The following NAALADL2 variants were observed in gnomAD, a reference collection of about 807,000 sequenced individuals.
NAALADL2 encodes the protein inactive N-acetylated-alpha-linked acidic dipeptidase-like protein 2.
In NAALADL2, 76 loss-of-function variants were observed where a neutral mutation model predicts 87.2. That is an observed-to-expected ratio of 0.87 (90% CI 0.72 to 1.05). The LOEUF (loss-of-function observed/expected upper bound fraction) is 1.05. NAALADL2 is among the 50% of genes least tolerant of loss of function. The pLI, the probability that NAALADL2 is intolerant of heterozygous loss-of-function variation, is 0.00. For synonymous variants in NAALADL2, 354 were observed against 331.0 expected (o/e 1.07, Z -0.75); for missense variants, 1,089 against 945.8 (o/e 1.15, Z -1.99).
At position 174,898,112 on chromosome 3, in the gene NAALADL2, CAAAAAAAAAAAAAAAAA is replaced by C. The variant is rs913382744; in HGVS notation, c.43+38677_43+38693del. 2.4e-3 allele frequency among the ~76,000 whole-genome samples: 35 copies of C among 14,504 alleles called. 1 individual carries two copies. The highest frequency in any genetic ancestry group is 6.8e-3 in the Admixed American group (5 of 730). The allele number at this position is 14,504 out of a possible 152,430, so 9.5% of individuals were successfully genotyped here. A position where few individuals can be genotyped will look rare whatever the true frequency, so the allele number is the denominator to read the frequency against. The stretch of plus-strand genomic sequence containing the variant: ...TGGGTGACAGAGCGAGACTCCGTCT[CAAAAAAAAAAAAAAAAA>C]AAAAAAAAAAAAAAGAAAAAAAGAA... On this transcript the variant is annotated intron_variant, in intron 1 of 13. Coordinates refer to ENST00000454872, the MANE Select transcript of NAALADL2 (RefSeq NM_207015.3).
chr3:174,517,028 G>C (rs1719976096), intron 1 of NAALADL2, among the ~76,000 whole-genome samples: 1 of 151,764 alleles, frequency 6.6e-6, no homozygotes, highest in Admixed American at 6.6e-5. Context: ...ATTGCGAAAA[G>C]CTCCCTTGCT....
At chr3:175,512,300 G>A (rs1023915984) in intron 9 of NAALADL2, among the ~76,000 whole-genome samples, 15 of 152,138 alleles carry the variant, frequency 9.9e-5, no homozygotes, top group African/African-American at 3.4e-4. Flanking sequence ...ATTTTCATAA[G>A]CAATTAAGTC....
chr3:175,623,945 G>GAA lies in NAALADL2; in HGVS notation c.1801-3337_1801-3336dup, dbSNP rs11457454. 2.7e-4 allele frequency among the ~76,000 whole-genome samples: 40 copies of GAA among 148,352 alleles called. 1 individual carries two copies. Among genetic ancestry groups the GAA allele is most frequent in the East Asian group, 9.8e-4 (5 of 5,084 alleles). On this transcript the variant is annotated intron_variant, in intron 10 of 13. Transcript: ENST00000454872. The stretch of plus-strand genomic sequence containing the variant: ...CAGATAACTCTCTTGAGGTGTAAAT[G>GAA]AAAAAAAAAATACACAGGGAATATT...
At chr3:174,505,078 G>A (rs1375392749) in intron 1 of NAALADL2, among the ~76,000 whole-genome samples, 1 of 152,096 alleles carries the variant, frequency 6.6e-6, no homozygotes, top group African/African-American at 2.4e-5. Flanking sequence ...GATCATTACT[G>A]TTATCTTAAC....
intron 4 of NAALADL2, among the ~76,000 whole-genome samples, chr3:175,267,126 T>G (rs1752063769): frequency 6.6e-6 from 1 of 152,030 alleles, no homozygotes; most frequent in Non-Finnish European, 1.5e-5. Context: ...CAAGCATTGT[T>G]GTAGCTATTT....
intron 2 of NAALADL2, among the ~76,000 whole-genome samples, chr3:174,680,418 G>T (rs972156934): frequency 1.3e-5 from 2 of 152,164 alleles, no homozygotes; most frequent in East Asian, 3.8e-4. Context: ...GCATGTTGCA[G>T]TGTCTCTTGT....
intron 2 of NAALADL2, among the ~76,000 whole-genome samples, chr3:174,653,596 G>A (rs1441342016): frequency 1.3e-5 from 2 of 152,132 alleles, no homozygotes; most frequent in Non-Finnish European, 2.9e-5. Flanking sequence ...GGTAATTTTT[G>A]TAGTGGTAGT....
At chr3:175,354,680 G>A (rs1314472982) in intron 5 of NAALADL2, among the ~76,000 whole-genome samples, 12 of 151,820 alleles carry the variant, frequency 7.9e-5, no homozygotes, top group Non-Finnish European at 1.5e-5. Context: ...ATCTTGCTAT[G>A]TTTCCAGGCT....
chr3:175,046,437 C>T (rs757999918), intron 1 of NAALADL2, among the ~76,000 whole-genome samples: 2 of 152,088 alleles, frequency 1.3e-5, no homozygotes, highest in East Asian at 1.9e-4. Flanking sequence ...TATTGTTGTC[C>T]ATATTTCCAA....
At chr3:174,858,094 A>G (rs1726053407), upstream of NAALADL2, among the ~76,000 whole-genome samples, 1 of 136,274 alleles carries the variant, frequency 7.3e-6, no homozygotes. Context: ...ATATATATAT[A>G]TTAGCTGCAG....
At chr3:174,695,263 G>A (rs1728916825) in intron 2 of NAALADL2, among the ~76,000 whole-genome samples, 1 of 151,930 alleles carries the variant, frequency 6.6e-6, no homozygotes, top group African/African-American at 2.4e-5. Context: ...TATGTAATGA[G>A]AACATTTTAA....
At chr3:174,520,850 A>G (rs1477490155) in intron 1 of NAALADL2, among the ~76,000 whole-genome samples, 1 of 152,146 alleles carries the variant, frequency 6.6e-6, no homozygotes, top group Non-Finnish European at 1.5e-5. Context: ...GGAACTCAAC[A>G]AGAAAAACAA....
chr3:174,987,495 G>C (rs1746041973), intron 1 of NAALADL2, among the ~76,000 whole-genome samples: 1 of 139,178 alleles, frequency 7.2e-6, no homozygotes, highest in African/African-American at 2.9e-5. Context: ...CGTGAACCCG[G>C]GAGGCGGAGC....
chr3:175,426,117 A>G (rs887538214), intron 5 of NAALADL2, among the ~76,000 whole-genome samples: 54 of 152,318 alleles, frequency 3.5e-4, no homozygotes, highest in African/African-American at 1.3e-3. Context: ...TAATCCCAGC[A>G]CTTTGGGAGG....
chr3:175,791,440 T>C (rs868282768), intron 13 of NAALADL2, among the ~76,000 whole-genome samples: 30 of 152,294 alleles, frequency 2.0e-4, no homozygotes, highest in Admixed American at 3.3e-4. Context: ...CTTAGCTAAT[T>C]GGATGACCCC....
intron 1 of NAALADL2, among the ~76,000 whole-genome samples, chr3:174,506,905 A>C (rs1344751795): frequency 6.6e-6 from 1 of 151,740 alleles, no homozygotes; most frequent in Non-Finnish European, 1.5e-5. Flanking sequence ...CTTATTTCTA[A>C]GTAATAACTC....
chr3:175,325,085 T>A (rs1407918676), intron 5 of NAALADL2, among the ~76,000 whole-genome samples: 2 of 152,204 alleles, frequency 1.3e-5, no homozygotes, highest in Non-Finnish European at 2.9e-5. Flanking sequence ...ACCGTGACAG[T>A]TCAGTCAGTA....
intron 2 of NAALADL2, among the ~76,000 whole-genome samples, chr3:175,104,508 C>T (rs910933397): frequency 6.6e-6 from 1 of 152,090 alleles, no homozygotes; most frequent in African/African-American, 2.4e-5. Context: ...ATTTTTTTGG[C>T]CCCTCTTCAC....
chr3:175,074,793 T>C (rs1456961126), intron 1 of NAALADL2, among the ~76,000 whole-genome samples: 1 of 151,952 alleles, frequency 6.6e-6, no homozygotes, highest in African/African-American at 2.4e-5. Flanking sequence ...TGATGATCAG[T>C]GGTGCTAGGG....
Sources: gnomAD v4.1 joint callset for allele counts (sites outside exome capture counted in the v4.1 genomes callset) on GRCh38, gnomAD v4.1.1 for gene constraint, MANE v1.5 for transcripts, NCBI Gene and HGNC (gene_info 2026-07-23, HGNC 2026-07-21) for gene names.